The following WNK3 variants were observed in gnomAD, a reference collection of about 807,000 sequenced individuals.
The protein encoded by WNK3 is serine/threonine-protein kinase WNK3.
A neutral mutation model predicts 116.7 loss-of-function variants in WNK3; 18 were observed. That is an observed-to-expected ratio of 0.15 (90% confidence interval 0.11 to 0.23). The LOEUF (loss-of-function observed/expected upper bound fraction) is 0.23, where lower values mean the gene tolerates loss of function less well. Ranked by LOEUF, WNK3 falls within the 10% of genes least tolerant of loss-of-function variation. WNK3 has a pLI of 1.00. For synonymous variants in WNK3, 404 were observed against 469.4 expected, an observed-to-expected ratio of 0.86 and a Z score of 1.80; for missense variants, 993 against 1,323.8, an observed-to-expected ratio of 0.75 and a Z score of 3.88.
chrX:54,212,174 G>A (rs1195509412), intron 22 of WNK3, among the ~76,000 whole-genome samples: 1 of 111,717 alleles, frequency 9.0e-6, no homozygotes, highest in Middle Eastern at 4.3e-3. Flanking sequence ...TGCAGTGAAT[G>A]GAGATCACGC....
intron 5 of WNK3, among the ~76,000 whole-genome samples, chrX:54,302,758 T>TATATATATATATATA (rs1491572190): frequency 3.7e-5 from 1 of 27,053 alleles, no homozygotes; most frequent in Non-Finnish European, 5.8e-5. Context: ...TATATATATA[T>TATATATATATATATA]TTTTTTTTTT....
intron 22 of WNK3, among the ~76,000 whole-genome samples, chrX:54,226,784 G>A (rs1208014475): frequency 9.0e-6 from 1 of 111,151 alleles, no homozygotes; most frequent in Non-Finnish European, 1.9e-5. Flanking sequence ...ACGTTGCAGT[G>A]AGCCGAGATC....
chrX:54,298,099 G>T (rs2068718471), intron 7 of WNK3, 76 bp downstream of exon 7: 1 of 720,532 alleles, frequency 1.4e-6, no homozygotes, highest in Non-Finnish European at 2.1e-6. Context: ...TGAGAGGAAA[G>T]AAAGCAATGA....
chrX:54,203,706 A>G (rs2067523080), intron 22 of WNK3, among the ~76,000 whole-genome samples: 1 of 110,517 alleles, frequency 9.0e-6, no homozygotes, highest in African/African-American at 3.3e-5. Flanking sequence ...CATAAATGCC[A>G]ACTGCTGAGG....
intron 10 of WNK3, among the ~76,000 whole-genome samples, chrX:54,290,990 T>A (rs950961218): frequency 4.5e-5 from 5 of 111,474 alleles, no homozygotes; most frequent in African/African-American, 1.6e-4. Context: ...GAAAAAAAGA[T>A]AAATCTAAAG....
intron 17 of WNK3, among the ~76,000 whole-genome samples, chrX:54,247,260 A>C (rs1371923060): frequency 9.0e-6 from 1 of 111,524 alleles, no homozygotes; most frequent in African/African-American, 3.2e-5. Flanking sequence ...AACAAAGTTT[A>C]AATGACAGAA....
chrX:54,211,406 C>T (rs968721768), intron 22 of WNK3, among the ~76,000 whole-genome samples: 14 of 104,500 alleles, frequency 1.3e-4, no homozygotes, highest in Admixed American at 1.0e-3. Flanking sequence ...CATGCCACTG[C>T]GCTCCAGCCT....
chrX:54,226,469 CAA>C (rs782422874), intron 22 of WNK3, among the ~76,000 whole-genome samples: 1 of 19,890 alleles, frequency 5.0e-5, no homozygotes. Context: ...GACTCTGTCT[CAA>C]AAAAAAAAAA....
In WNK3 at chrX:54,202,136, T is replaced by G. The variant is rs782462161; in HGVS notation, c.4928A>C (p.Lys1643Thr). The G allele has an allele frequency of 8.3e-7, 1 of 1,208,635 alleles. No homozygotes were observed. Among genetic ancestry groups the G allele is most frequent in the African/African-American group, 1.7e-5 (1 of 57,157 alleles). The change falls in exon 23 of 24, where the codon AAA (lysine) becomes ACA (threonine). Residue 1643 changes from lysine (K) to threonine (T), a missense_variant. Physicochemically the swap from Lys to Thr is moderately conservative, Grantham distance 78. Around this residue, in one of 4 missense-constraint regions of WNK3, gnomAD observed 836 missense variants for 976.5 expected, o/e 0.86. Transcript: ENST00000354646. ...GTGTAAGTCATCTGTGAACATCCCT[T>G]TTTTACTGGCTGGAGACTGTTGGCA...
In WNK3 at chrX:54,308,088, TAAC is replaced by T. The variant is rs781950975; in HGVS notation, c.932-12_932-10del. 8.5e-7 allele frequency: 1 copy of T among 1,174,831 alleles called. No homozygotes were observed. The highest frequency in any genetic ancestry group is 2.0e-5 in the South Asian group (1 of 50,399). On this transcript the variant is annotated splice_polypyrimidine_tract_variant and intron_variant, in intron 4 of 23. Transcript: ENST00000354646. ...CATAAACTCAGGAGTTCCTACAAAA[TAAC>T]ACCACCACCACATTCTTATAGAAGA...
At chrX:54,284,622 T>C (rs1794972676) in intron 10 of WNK3, among the ~76,000 whole-genome samples, 1 of 111,676 alleles carries the variant, frequency 9.0e-6, no homozygotes, top group African/African-American at 3.3e-5. Context: ...GTGAATAGGA[T>C]AGATAAACAA....
chrX:54,315,184 T>C (rs2068938200), intron 2 of WNK3, among the ~76,000 whole-genome samples: 1 of 108,681 alleles, frequency 9.2e-6, no homozygotes. Context: ...ATAGCTGTAG[T>C]CCTAGCTACT....
intron 10 of WNK3, among the ~76,000 whole-genome samples, chrX:54,292,255 G>A (rs1396438287): frequency 9.0e-6 from 1 of 111,597 alleles, no homozygotes; most frequent in Admixed American, 9.6e-5. Context: ...AAATCAGGCT[G>A]GAAAAGTTTA....
intron 2 of WNK3, among the ~76,000 whole-genome samples, chrX:54,314,130 T>C (rs1470046544): frequency 9.5e-6 from 1 of 105,809 alleles, no homozygotes; most frequent in Non-Finnish European, 1.9e-5. Flanking sequence ...GAGGCAGAGG[T>C]TGCAGTGAGC....
intron 5 of WNK3, 24 bp from the exon 6 acceptor site, chrX:54,301,883 G>A (rs1391807684): frequency 9.0e-7 from 1 of 1,106,260 alleles, no homozygotes; most frequent in Non-Finnish European, 1.2e-6. Flanking sequence ...ATGGTTTCTA[G>A]TAACAATGAT....
rs78284240 is a variant in WNK3, at chrX:54,232,171, C to T, written c.4840+638G>A. On this transcript the variant is annotated intron_variant, in intron 21 of 23. Transcript: ENST00000354646. ...TATGTATGTATTTTAGATGGAGTTT[C>T]GCACTTGTCGCCCAGGCTGGAGTGC... Among the ~76,000 whole-genome samples, 211 of 105,899 alleles carry T rather than the reference C, an allele frequency of 2.0e-3. 1 individual carries two copies. In the East Asian group the frequency reaches 0.036, roughly 18 times the overall value. The allele number at this position is 105,899 out of a possible 115,157, so 92.0% of individuals were successfully genotyped here.
At chrX:54,202,191 G>T (rs1557141809) in exon 23 of WNK3, 1 of 1,190,439 alleles carries the variant, frequency 8.4e-7, no homozygotes. Context: ...ACACACAGTG[G>T]ATCTATAAGA....
At chrX:54,351,214 T>C (rs782146148) in intron 1 of WNK3, among the ~76,000 whole-genome samples, 2 of 111,162 alleles carry the variant, frequency 1.8e-5, no homozygotes, top group East Asian at 2.8e-4. Context: ...GGGAGAAAAG[T>C]CATAAAATAT....
chrX:54,260,973 A>G (rs2068249631), intron 10 of WNK3, among the ~76,000 whole-genome samples: 1 of 107,052 alleles, frequency 9.3e-6, no homozygotes, highest in Admixed American at 1.0e-4. Flanking sequence ...CAAGTGATCC[A>G]CCTGCCTTGG....
Sources: gnomAD v4.1 joint callset for allele counts (sites outside exome capture counted in the v4.1 genomes callset) on GRCh38, gnomAD v4.1.1 for gene constraint, gnomAD v4.1.1 regional missense constraint, MANE v1.5 for transcripts, NCBI Gene and HGNC (gene_info 2026-07-23, HGNC 2026-07-21) for gene names.